Variants in ERBB4 observed in about 807,000 individuals in gnomAD.
ERBB4 encodes erb-b2 receptor tyrosine kinase 4.
A neutral mutation model predicts 158.0 loss-of-function variants in ERBB4; 42 were observed. The observed-to-expected ratio is 0.27, with a 90% CI of 0.21 to 0.34. The LOEUF (loss-of-function observed/expected upper bound fraction) is 0.34. Ranked by LOEUF, ERBB4 falls within the 10% of genes least tolerant of loss-of-function variation. The probability of loss-of-function intolerance (pLI) is 1.00; values close to 1 mark genes in which losing one functional copy is unlikely to be tolerated. For synonymous variants in ERBB4, 583 were observed against 558.7 expected (o/e 1.04, Z -0.61); for missense variants, 1,333 against 1,624.1 (o/e 0.82, Z 3.08).
chr2:211,469,768 A>T (rs1559199827), intron 20 of ERBB4, among the ~76,000 whole-genome samples: 3 of 152,200 alleles, frequency 2.0e-5, no homozygotes, highest in Non-Finnish European at 2.9e-5. Flanking sequence ...ACTCAGGTAC[A>T]TAACTTTGCA....
At chr2:211,916,807 C>T (rs1472446639) in intron 3 of ERBB4, among the ~76,000 whole-genome samples, 2 of 152,068 alleles carry the variant, frequency 1.3e-5, no homozygotes, top group Non-Finnish European at 1.5e-5. Context: ...TAAGGAGACA[C>T]ATTTAAGAAT....
intron 1 of ERBB4, among the ~76,000 whole-genome samples, chr2:212,506,688 T>C (rs919195938): frequency 6.6e-6 from 1 of 151,986 alleles, no homozygotes; most frequent in Non-Finnish European, 1.5e-5. Context: ...CTGAGAGAGG[T>C]GAGGCAGCTG....
rs13396502 is a variant in ERBB4 at position 211,516,437 on chromosome 2, G to A, written c.2487+45466C>T. ...CAACCTCTGCCTCCTGGGTTCAAGC[G>A]ATTCTTGTACCTCAGCCTCCAGAGT... On this transcript the variant is annotated intron_variant, in intron 20 of 27. Coordinates refer to ENST00000342788, the MANE Select transcript of ERBB4 (RefSeq NM_005235.3). Among the ~76,000 whole-genome samples the A allele has an allele frequency of 8.6e-3, 1,304 of 151,372 alleles. 17 individuals are homozygous for A. Among genetic ancestry groups the A allele is most frequent in the African/African-American group, 0.029 (1,213 of 41,222 alleles).
At chr2:212,272,286 C>T (rs1224758165) in intron 1 of ERBB4, among the ~76,000 whole-genome samples, 1 of 151,660 alleles carries the variant, frequency 6.6e-6, no homozygotes, top group Non-Finnish European at 1.5e-5. Context: ...AAAAGCAATG[C>T]ACAAAAGTTA....
intron 20 of ERBB4, among the ~76,000 whole-genome samples, chr2:211,521,484 T>C (rs2066184068): frequency 6.6e-6 from 1 of 152,136 alleles, no homozygotes; most frequent in African/African-American, 2.4e-5. Flanking sequence ...GGCATCTCCA[T>C]AACATAAAAG....
At chr2:211,577,615 G>C (rs2067930384) in intron 19 of ERBB4, among the ~76,000 whole-genome samples, 1 of 152,046 alleles carries the variant, frequency 6.6e-6, no homozygotes, top group African/African-American at 2.4e-5. Flanking sequence ...TATCCACCAT[G>C]ATCAAACTGA....
chr2:211,672,154 T>C (rs1436452277), intron 14 of ERBB4, among the ~76,000 whole-genome samples: 2 of 152,098 alleles, frequency 1.3e-5, no homozygotes, highest in Non-Finnish European at 2.9e-5. Flanking sequence ...GATATATATA[T>C]TTTTTCTAAG....
chr2:212,245,928 G>A, intron 1 of ERBB4, among the ~76,000 whole-genome samples: 1 of 152,138 alleles, frequency 6.6e-6, no homozygotes, highest in East Asian at 1.9e-4. Flanking sequence ...TGATTTCTAT[G>A]GCTAAGTTAA....
rs2073275799 is a variant in ERBB4 at position 211,702,109 on chromosome 2, G to C, written c.1347C>G (p.Ser449=). ...QQGITSLQFQ[S]LKEISAGNIY... The stretch of plus-strand genomic sequence containing the variant: ...TGTTTCCTGCGCTGATTTCCTTCAG[G>C]GACTGGAACTGTAGAGAGGTGATGC... The change falls in exon 12 of 28, where the codon TCC becomes TCG. Residue 449 remains serine (S), a synonymous_variant. Coordinates refer to ENST00000342788, the MANE Select transcript of ERBB4 (RefSeq NM_005235.3). 1 of 1,614,030 alleles carries C rather than the reference G, an allele frequency of 6.2e-7. No homozygotes were observed. The highest frequency in any genetic ancestry group is 8.5e-7 in the Non-Finnish European group (1 of 1,180,004).
intron 20 of ERBB4, among the ~76,000 whole-genome samples, chr2:211,502,589 A>C (rs2065644337): frequency 6.6e-6 from 1 of 152,148 alleles, no homozygotes; most frequent in Admixed American, 6.5e-5. Flanking sequence ...TAACTTGGAA[A>C]GTTGAAAGCC....
At chr2:212,092,196 G>A (rs1275987703) in intron 2 of ERBB4, among the ~76,000 whole-genome samples, 1 of 152,128 alleles carries the variant, frequency 6.6e-6, no homozygotes, top group Non-Finnish European at 1.5e-5. Flanking sequence ...CATCTTAAAT[G>A]GTTTAGTTTA....
At chr2:212,346,836 A>C (rs147166195) in intron 1 of ERBB4, among the ~76,000 whole-genome samples, 88 of 152,260 alleles carry the variant, frequency 5.8e-4, no homozygotes, top group African/African-American at 2.1e-3. Context: ...TAGGGACGGA[A>C]GGAAATAAAT....
intron 1 of ERBB4, among the ~76,000 whole-genome samples, chr2:212,321,532 TACA>T (rs1443516198): frequency 1.3e-5 from 2 of 150,360 alleles, no homozygotes; most frequent in African/African-American, 4.8e-5. Context: ...GTATTAAAAA[TACA>T]ACAAAACATT....
At chr2:212,494,046 T>C (rs776979701) in intron 1 of ERBB4, among the ~76,000 whole-genome samples, 1 of 151,912 alleles carries the variant, frequency 6.6e-6, no homozygotes, top group African/African-American at 2.4e-5. Context: ...TCACAAAGAA[T>C]AGTGGCCAGT....
At chr2:212,438,946 T>C (rs2092194802) in intron 1 of ERBB4, among the ~76,000 whole-genome samples, 1 of 152,150 alleles carries the variant, frequency 6.6e-6, no homozygotes, top group Non-Finnish European at 1.5e-5. Context: ...GAATTAAACA[T>C]GATAAAAGTA....
At chr2:211,531,722 T>A (rs1269927260) in intron 20 of ERBB4, among the ~76,000 whole-genome samples, 3 of 152,066 alleles carry the variant, frequency 2.0e-5, no homozygotes, top group Non-Finnish European at 4.4e-5. Context: ...GAATGTAAAT[T>A]AGTACAACCA....
rs113221349 is a variant in ERBB4 at position 212,375,941 on chromosome 2, G to A, written c.82+162508C>T. Among the ~76,000 whole-genome samples, 917 of 152,184 alleles carry A rather than the reference G, an allele frequency of 6.0e-3. 13 individuals are homozygous for A. Among genetic ancestry groups the A allele is most frequent in the African/African-American group, 0.02 (846 of 41,552 alleles). ...AGTTTACAAATGGATAACTTGTTTCGAGAAGGGAGAAGACCATGTTGAAGA... is the reference window on the plus strand; with the variant it reads ...AGTTTACAAATGGATAACTTGTTTCAAGAAGGGAGAAGACCATGTTGAAGA... On this transcript the variant is annotated intron_variant, in intron 1 of 27. Coordinates refer to ENST00000342788, the MANE Select transcript of ERBB4 (RefSeq NM_005235.3).
chr2:211,430,915 A>C (rs891994981), intron 21 of ERBB4, 30 bp downstream of exon 21: 2 of 1,573,318 alleles, frequency 1.3e-6, no homozygotes, highest in African/African-American at 2.7e-5. Flanking sequence ...CTATATTTTC[A>C]AGCAAGATTG....
At chr2:211,680,519 G>A (rs374151741) in intron 12 of ERBB4, among the ~76,000 whole-genome samples, 3 of 152,126 alleles carry the variant, frequency 2.0e-5, no homozygotes, top group African/African-American at 4.8e-5. Flanking sequence ...GAACATTTGC[G>A]AGGTGGGTTG....
Sources: gnomAD v4.1 joint callset for allele counts (sites outside exome capture counted in the v4.1 genomes callset) on GRCh38, gnomAD v4.1.1 for gene constraint, MANE v1.5 for transcripts, NCBI Gene and HGNC (gene_info 2026-07-23, HGNC 2026-07-21) for gene names.